STPG2: variants seen among roughly 807,000 people sequenced by gnomAD.
The protein encoded by STPG2 is sperm tail PG-rich repeat containing 2, also known as sperm-tail PG-rich repeat-containing protein 2.
STPG2 carries 56 observed loss-of-function variants against 54.2 expected under a neutral mutation model. The ratio of observed to expected loss-of-function variants is 1.03; its 90% CI spans 0.83 to 1.29. The LOEUF (loss-of-function observed/expected upper bound fraction) is 1.29. STPG2 is among the 50% of genes most tolerant of loss of function. The probability of loss-of-function intolerance (pLI) is 0.00; values close to 1 mark genes in which losing one functional copy is unlikely to be tolerated. For synonymous variants in STPG2, 200 were observed against 181.8 expected (o/e 1.10, Z -0.81); for missense variants, 596 against 544.9 (o/e 1.09, Z -0.93).
chr4:97,906,155 T>C (rs1234086142), intron 8 of STPG2, among the ~76,000 whole-genome samples: 1 of 151,762 alleles, frequency 6.6e-6, no homozygotes, highest in East Asian at 1.9e-4. Context: ...AAGAATCAAA[T>C]AGATGCAATA....
At chr4:97,704,746 T>C (rs1443633450) in intron 10 of STPG2, among the ~76,000 whole-genome samples, 1 of 152,172 alleles carries the variant, frequency 6.6e-6, no homozygotes, top group Non-Finnish European at 1.5e-5. Context: ...ATATTAAAAC[T>C]ACAGTATAAA....
chr4:97,645,762 TA>T (rs1297344872), intron 10 of STPG2, among the ~76,000 whole-genome samples: 4 of 152,144 alleles, frequency 2.6e-5, no homozygotes, highest in African/African-American at 7.2e-5. Context: ...CTGCAGTAGT[TA>T]AATTAGTTAC....
intron 4 of STPG2, among the ~76,000 whole-genome samples, chr4:97,500,457 G>A (rs1730699364): frequency 6.6e-6 from 1 of 152,056 alleles, no homozygotes; most frequent in Non-Finnish European, 1.5e-5. Flanking sequence ...GATGTGTGGA[G>A]TTTAGTGAAG....
At chr4:97,933,541 T>C (rs1157734330) in intron 8 of STPG2, among the ~76,000 whole-genome samples, 2 of 152,222 alleles carry the variant, frequency 1.3e-5, no homozygotes, top group Non-Finnish European at 2.9e-5. Flanking sequence ...AATTTTTGTA[T>C]AAGGTGTAAG....
At chr4:97,740,973 A>G (rs369166729) in intron 9 of STPG2, among the ~76,000 whole-genome samples, 8 of 152,028 alleles carry the variant, frequency 5.3e-5, no homozygotes, top group Non-Finnish European at 7.4e-5. Context: ...ATACTACAAG[A>G]CTACAGTAAC....
At chr4:97,509,591 C>G (rs1316728956) in intron 4 of STPG2, among the ~76,000 whole-genome samples, 1 of 151,928 alleles carries the variant, frequency 6.6e-6, no homozygotes, top group African/African-American at 2.4e-5. Flanking sequence ...AAAAACAAAG[C>G]CTTTTTTTAG....
intron 9 of STPG2, among the ~76,000 whole-genome samples, chr4:97,790,673 TC>T (rs1369248020): frequency 6.6e-6 from 1 of 152,136 alleles, no homozygotes; most frequent in African/African-American, 2.4e-5. Flanking sequence ...CAAGCTTCTC[TC>T]GTGTTTTCAA....
At chr4:97,925,224 G>C (rs1382103044) in intron 8 of STPG2, among the ~76,000 whole-genome samples, 1 of 152,140 alleles carries the variant, frequency 6.6e-6, no homozygotes, top group Non-Finnish European at 1.5e-5. Context: ...CACTCAATCA[G>C]GAATTAAGTT....
chr4:97,676,195 A>G (rs924286879), intron 10 of STPG2, among the ~76,000 whole-genome samples: 2 of 151,108 alleles, frequency 1.3e-5, no homozygotes, highest in African/African-American at 4.9e-5. Flanking sequence ...ATTCGAGACT[A>G]TTCAGAAGCT....
In STPG2 at chr4:98,005,368, A is replaced by T. The variant is rs191692068; in HGVS notation, c.613-24050T>A. On this transcript the variant is annotated intron_variant, in intron 5 of 10. Transcript: ENST00000295268. Reference sequence around the variant, plus strand: ...CAATCCAATCAAGTTGACACTTAGTATTAATCATCACATGCTCTAAAGAAC... The same window carrying T: ...CAATCCAATCAAGTTGACACTTAGTTTTAATCATCACATGCTCTAAAGAAC... 2.0e-4 allele frequency among the ~76,000 whole-genome samples: 31 copies of T among 152,336 alleles called. No individual in the cohort carries two copies. The South Asian group carries it at 2.3e-3, about 11-fold the overall frequency.
At chr4:97,881,498 C>A (rs761722088) in intron 8 of STPG2, among the ~76,000 whole-genome samples, 1 of 151,964 alleles carries the variant, frequency 6.6e-6, no homozygotes, top group Non-Finnish European at 1.5e-5. Context: ...CATAAATGGG[C>A]AAGTAAGAAA....
chr4:97,521,094 T>G lies in STPG2; in HGVS notation c.462+191605A>C, dbSNP rs189875459. On this transcript the variant is annotated intron_variant, in intron 4 of 4. Transcript: ENST00000522676. ...TTCTGATAAAAAATACTCCACTGTT[T>G]GTTACTATTGTACATTATTAAACAG... Among the ~76,000 whole-genome samples, 601 of 152,176 alleles carry G rather than the reference T, an allele frequency of 3.9e-3. 8 individuals carry two copies. Among genetic ancestry groups the G allele is most frequent in the Non-Finnish European group, 5.3e-3 (361 of 67,978 alleles).
chr4:97,883,770 A>G (rs981115026), intron 8 of STPG2, among the ~76,000 whole-genome samples: 4 of 152,186 alleles, frequency 2.6e-5, no homozygotes, highest in Non-Finnish European at 5.9e-5. Flanking sequence ...TCAATGTTCT[A>G]ATACTCATGT....
chr4:97,703,408 A>ATT (rs1194690683), intron 10 of STPG2, among the ~76,000 whole-genome samples: 3 of 144,068 alleles, frequency 2.1e-5, no homozygotes, highest in Non-Finnish European at 3.0e-5. Flanking sequence ...TATATATCCT[A>ATT]TTATATATAT....
rs141323051 is a variant in STPG2 at position 97,603,274 on chromosome 4, A to G, written c.1321-44157T>C. Among the ~76,000 whole-genome samples, 104 of 151,862 alleles carry G rather than the reference A, an allele frequency of 6.8e-4. 2 individuals are homozygous for G. The East Asian group carries it at 0.017, about 25-fold the overall frequency. On this transcript the variant is annotated intron_variant, in intron 10 of 10. Coordinates refer to ENST00000295268, the MANE Select transcript of STPG2 (RefSeq NM_174952.3). ...AAACCAAAATGAGATACCACCTCAC[A>G]TTCAACAGGATGGCTACTATCAAAA...
At chr4:97,503,566 A>C (rs1007305900) in intron 4 of STPG2, among the ~76,000 whole-genome samples, 2 of 151,446 alleles carry the variant, frequency 1.3e-5, no homozygotes, top group African/African-American at 4.8e-5. Context: ...GATTACAGGC[A>C]TGAGCCACCG....
chr4:97,869,616 C>T (rs1016868037), intron 8 of STPG2, among the ~76,000 whole-genome samples: 2 of 151,476 alleles, frequency 1.3e-5, no homozygotes, highest in East Asian at 3.9e-4. Context: ...GCATCTGTAA[C>T]CTTAAACTTA....
At chr4:97,672,790 A>G (rs1722738818) in intron 10 of STPG2, among the ~76,000 whole-genome samples, 1 of 152,214 alleles carries the variant, frequency 6.6e-6, no homozygotes, top group African/African-American at 2.4e-5. Context: ...CTCTTGTCAC[A>G]CGAAGGCACG....
intron 8 of STPG2, among the ~76,000 whole-genome samples, chr4:97,870,427 G>A (rs1471890513): frequency 6.6e-6 from 1 of 151,202 alleles, no homozygotes; most frequent in Non-Finnish European, 1.5e-5. Context: ...CTACATATAT[G>A]AAACAAAGGG....
Sources: gnomAD v4.1 joint callset for allele counts (sites outside exome capture counted in the v4.1 genomes callset) on GRCh38, gnomAD v4.1.1 for gene constraint, MANE v1.5 for transcripts, NCBI Gene and HGNC (gene_info 2026-07-23, HGNC 2026-07-21) for gene names.